The following ERBIN variants were observed in gnomAD, a reference collection of about 807,000 sequenced individuals.
ERBIN encodes the protein densin-180-like protein.
Under a neutral mutation model 158.4 loss-of-function variants are expected in ERBIN, and 60 were observed. That is an observed-to-expected ratio of 0.38 (90% CI 0.31 to 0.47). ERBIN has a LOEUF of 0.47. ERBIN is among the 20% of genes least tolerant of loss of function. ERBIN has a pLI of 0.99. For synonymous variants in ERBIN, 594 were observed against 557.2 expected, an observed-to-expected ratio of 1.07 and a Z score of -0.93; for missense variants, 1,610 against 1,648.0, an observed-to-expected ratio of 0.98 and a Z score of 0.40.
chr5:65,929,788 ACAT>A (rs1273741933), intron 1 of ERBIN, among the ~76,000 whole-genome samples: 5 of 152,042 alleles, frequency 3.3e-5, no homozygotes, highest in African/African-American at 1.2e-4. Flanking sequence ...TTACAAGCGC[ACAT>A]CATCATGCCT....
chr5:66,070,757 A>G (rs933175373), intron 21 of ERBIN, among the ~76,000 whole-genome samples: 3 of 152,226 alleles, frequency 2.0e-5, no homozygotes, highest in African/African-American at 7.2e-5. Context: ...ATTCTAAGCC[A>G]TGGTTTGAAC....
At chr5:65,935,311 A>C (rs1389638647) in intron 1 of ERBIN, among the ~76,000 whole-genome samples, 1 of 152,138 alleles carries the variant, frequency 6.6e-6, no homozygotes, top group Non-Finnish European at 1.5e-5. Flanking sequence ...ATATTTCTAT[A>C]ATGCAATTCT....
At chr5:65,989,830 A>G (rs1018525094) in intron 2 of ERBIN, among the ~76,000 whole-genome samples, 1 of 152,060 alleles carries the variant, frequency 6.6e-6, no homozygotes, top group Non-Finnish European at 1.5e-5. Flanking sequence ...TGGACATAGC[A>G]GATAGAATTC....
intron 1 of ERBIN, among the ~76,000 whole-genome samples, chr5:65,935,885 C>T (rs1295559770): frequency 1.3e-5 from 2 of 152,126 alleles, no homozygotes; most frequent in Non-Finnish European, 2.9e-5. Context: ...CCACCACGCC[C>T]AGCTAATTTT....
intron 7 of ERBIN, among the ~76,000 whole-genome samples, chr5:66,019,875 T>A (rs1755500540): frequency 6.6e-6 from 1 of 152,152 alleles, no homozygotes; most frequent in Admixed American, 6.5e-5. Context: ...TGTAAGATTA[T>A]GTTTTGTTCT....
chr5:65,971,077 A>G (rs1580202035), intron 1 of ERBIN, among the ~76,000 whole-genome samples: 1 of 152,228 alleles, frequency 6.6e-6, no homozygotes, highest in East Asian at 1.9e-4. Context: ...TCCTTTTGTT[A>G]TTTTAGTCCA....
chr5:66,021,481 G>C (rs1483486833), intron 8 of ERBIN, 96 bp downstream of exon 8: 12 of 931,388 alleles, frequency 1.3e-5, no homozygotes, highest in South Asian at 2.2e-5. Context: ...TTGGATAAAG[G>C]TTTACTTTTT....
chr5:65,976,524 T>C (rs568848550), intron 1 of ERBIN, among the ~76,000 whole-genome samples: 5 of 151,678 alleles, frequency 3.3e-5, no homozygotes, highest in East Asian at 1.9e-4. Flanking sequence ...TTTTTTCTTT[T>C]TTTTTTTTTT....
intron 1 of ERBIN, among the ~76,000 whole-genome samples, chr5:65,940,079 C>T (rs1462300706): frequency 6.7e-6 from 1 of 148,780 alleles, no homozygotes; most frequent in African/African-American, 2.5e-5. Flanking sequence ...TCTGCCCGGC[C>T]GCCATCCCAT....
At chr5:65,934,631 G>T (rs977640300) in intron 1 of ERBIN, among the ~76,000 whole-genome samples, 2 of 152,150 alleles carry the variant, frequency 1.3e-5, no homozygotes, top group Non-Finnish European at 2.9e-5. Flanking sequence ...GGCAATTTCA[G>T]TGTGTCCTAT....
chr5:66,061,324 G>A (rs530989412), intron 21 of ERBIN, among the ~76,000 whole-genome samples: 6 of 152,134 alleles, frequency 3.9e-5, no homozygotes, highest in Non-Finnish European at 5.9e-5. Flanking sequence ...TTTGATCTTT[G>A]TTGGTTTAAA....
chr5:66,058,874 TG>T (rs1470045371), intron 21 of ERBIN, among the ~76,000 whole-genome samples: 2 of 152,324 alleles, frequency 1.3e-5, no homozygotes, highest in Non-Finnish European at 2.9e-5. Flanking sequence ...CTGAGGGCTC[TG>T]TTCTGTTCCA....
In ERBIN at chr5:66,057,668, A is replaced by G. The variant is rs191809891; in HGVS notation, c.3633+2717A>G. Among the ~76,000 whole-genome samples the G allele has an allele frequency of 6.1e-3, 917 of 150,740 alleles. 9 individuals are homozygous for G. The highest frequency in any genetic ancestry group is 0.021 in the African/African-American group (877 of 41,084). On this transcript the variant is annotated intron_variant, in intron 21 of 25. Transcript: ENST00000284037. ...TGCACCCATTAACTCGTCATTTAGC[A>G]TTAGGTATATCTCCTAATGCTATCC...
intron 1 of ERBIN, among the ~76,000 whole-genome samples, chr5:65,932,064 C>T (rs1343674659): frequency 6.6e-6 from 1 of 151,928 alleles, no homozygotes; most frequent in Non-Finnish European, 1.5e-5. Flanking sequence ...GTGATCTGCC[C>T]GCCTCGGCCT....
chr5:65,968,723 G>C (rs1054707826), intron 1 of ERBIN, among the ~76,000 whole-genome samples: 6 of 152,182 alleles, frequency 3.9e-5, no homozygotes, highest in Non-Finnish European at 7.4e-5. Flanking sequence ...ACTATGCCCT[G>C]CTAATTTTTC....
chr5:65,983,956 T>C (rs1320190737), intron 1 of ERBIN, among the ~76,000 whole-genome samples: 1 of 152,142 alleles, frequency 6.6e-6, no homozygotes, highest in Non-Finnish European at 1.5e-5. Flanking sequence ...GCACATGTGG[T>C]AGATGCCAGT....
rs2151138790 is a variant in ERBIN, at chr5:66,021,303, A to G, written c.534-19A>G. The G allele has an allele frequency of 5.3e-6, 8 of 1,509,354 alleles. No homozygotes were observed. Among genetic ancestry groups the G allele is most frequent in the East Asian group, 2.3e-5 (1 of 42,566 alleles). The allele number at this position is 1,509,354 out of a possible 1,614,324, so 93.5% of individuals were successfully genotyped here. A position where few individuals can be genotyped will look rare whatever the true frequency, so the allele number is the denominator to read the frequency against. On this transcript the variant is annotated intron_variant, in intron 7 of 25. Coordinates refer to ENST00000284037, the MANE Select transcript of ERBIN (RefSeq NM_001253697.2). Reference sequence around the variant, plus strand: ...TTGATATTTTTCTAGTTAATTTTTCATTACTCCATTATGAACAGAACTATG... The same window carrying G: ...TTGATATTTTTCTAGTTAATTTTTCGTTACTCCATTATGAACAGAACTATG...
At chr5:66,060,671 G>A (rs764606775) in intron 21 of ERBIN, among the ~76,000 whole-genome samples, 33 of 152,062 alleles carry the variant, frequency 2.2e-4, no homozygotes, top group Non-Finnish European at 4.6e-4. Context: ...TCTCTTGTGG[G>A]CATTTAGTGC....
intron 1 of ERBIN, among the ~76,000 whole-genome samples, chr5:65,982,475 C>G (rs1750762176): frequency 6.6e-6 from 1 of 152,142 alleles, no homozygotes; most frequent in African/African-American, 2.4e-5. Context: ...CCAGTGTACT[C>G]TCGATCACAG....
Sources: allele counts gnomAD v4.1 joint callset (sites outside exome capture counted in the v4.1 genomes callset), GRCh38; gene constraint gnomAD v4.1.1; transcripts MANE v1.5; gene names NCBI Gene and HGNC (gene_info 2026-07-23, HGNC 2026-07-21).